PTPRN2: variants seen among roughly 807,000 people sequenced by gnomAD.
PTPRN2 encodes the protein protein tyrosine phosphatase receptor type N2.
PTPRN2 carries 74 observed loss-of-function variants against 118.8 expected under a neutral mutation model. The observed-to-expected ratio is 0.62, with a 90% CI of 0.52 to 0.76. The LOEUF is 0.76. PTPRN2 is among the 30% of genes least tolerant of loss of function. The probability of loss-of-function intolerance (pLI) is 0.00; values close to 1 mark genes in which losing one functional copy is unlikely to be tolerated. For missense variants in PTPRN2, 1,481 were observed against 1,394.4 expected (o/e 1.06, Z -0.99); for synonymous variants, 641 against 608.0 (o/e 1.05, Z -0.80).
At chr7:157,971,733 A>G (rs749220714) in intron 11 of PTPRN2, among the ~76,000 whole-genome samples, 1 of 152,254 alleles carries the variant, frequency 6.6e-6, no homozygotes, top group Non-Finnish European at 1.5e-5. Context: ...AGAATGCAGT[A>G]ATGAGAGCAT....
chr7:158,578,527 C>T lies in PTPRN2; in HGVS notation c.112+9031G>A, dbSNP rs917976534. ...TCCAGTCTGGGCTACAGAGCCAGAC[C>T]CTGTCTCTGTAAAAAAAAAAAAAAT... On this transcript the variant is annotated intron_variant, in intron 1 of 22. Coordinates refer to ENST00000389418, the MANE Select transcript of PTPRN2 (RefSeq NM_002847.5). Among the ~76,000 whole-genome samples, 14 of 59,892 alleles carry T rather than the reference C, an allele frequency of 2.3e-4. No individual in the cohort carries two copies. In the Admixed American group the frequency reaches 2.7e-3, roughly 12 times the overall value. 39.3% of individuals were successfully genotyped at this position (59,892 alleles called of 152,430 possible). A position where few individuals can be genotyped will look rare whatever the true frequency, so the allele number is the denominator to read the frequency against.
At chr7:158,437,921 T>C (rs943830166) in intron 2 of PTPRN2, among the ~76,000 whole-genome samples, 4 of 152,226 alleles carry the variant, frequency 2.6e-5, no homozygotes, top group Non-Finnish European at 5.9e-5. Flanking sequence ...TGTGTGTTGA[T>C]GACCCTATGA....
chr7:158,311,651 G>A (rs916636033), intron 3 of PTPRN2, among the ~76,000 whole-genome samples: 13 of 152,248 alleles, frequency 8.5e-5, no homozygotes, highest in South Asian at 6.2e-4. Context: ...TGAAGGCCGC[G>A]CAAGCAGCTG....
Position 158,320,083 on chromosome 7 carries a change from TCACACACAC to T in PTPRN2, c.164-3160_164-3152del, listed in dbSNP as rs1563133808. On this transcript the variant is annotated intron_variant, in intron 2 of 22. Coordinates refer to ENST00000389418, the MANE Select transcript of PTPRN2 (RefSeq NM_002847.5). ...CCCTCACACACACACACAGCCTCCCTCACACACACTCACATAGTCTCCCTCACACACACA... is the reference window on the plus strand; with the variant it reads ...CCCTCACACACACACACAGCCTCCCTTCACATAGTCTCCCTCACACACACA... Among the ~76,000 whole-genome samples, 47 of 53,844 alleles carry T rather than the reference TCACACACAC, an allele frequency of 8.7e-4. 12 individuals carry two copies. Among genetic ancestry groups the T allele is most frequent in the African/African-American group, 2.9e-3 (40 of 13,740 alleles). The allele number at this position is 53,844 out of a possible 152,430, so 35.3% of individuals were successfully genotyped here. A position where few individuals can be genotyped will look rare whatever the true frequency, so the allele number is the denominator to read the frequency against.
At chr7:158,083,021 G>A (rs917521000) in intron 10 of PTPRN2, among the ~76,000 whole-genome samples, 1 of 152,112 alleles carries the variant, frequency 6.6e-6, no homozygotes, top group Non-Finnish European at 1.5e-5. Flanking sequence ...TGTTCCACTC[G>A]CTCATGAGTG....
At chr7:157,552,124 A>G (rs1437056455) in intron 21 of PTPRN2, among the ~76,000 whole-genome samples, 1 of 149,040 alleles carries the variant, frequency 6.7e-6, no homozygotes, top group Non-Finnish European at 1.5e-5. Context: ...CCCTGTGGTC[A>G]CTGACCACAC....
At chr7:157,928,978 C>G (rs1185371294) in intron 11 of PTPRN2, among the ~76,000 whole-genome samples, 1 of 152,074 alleles carries the variant, frequency 6.6e-6, no homozygotes, top group African/African-American at 2.4e-5. Flanking sequence ...TGCAGCCACC[C>G]CACGTCCAGA....
intron 1 of PTPRN2, chr7:158,541,868 G>C (rs757542229): frequency 7.4e-5 from 32 of 435,104 alleles, no homozygotes; most frequent in African/African-American, 6.7e-4. Context: ...CCAATTCAGG[G>C]AGCTCAGAAC....
chr7:157,772,220 CACAG>C (rs1802893557), intron 12 of PTPRN2, among the ~76,000 whole-genome samples: 1 of 151,576 alleles, frequency 6.6e-6, no homozygotes, highest in African/African-American at 2.4e-5. Flanking sequence ...CACACATAGA[CACAG>C]ACACACACAC....
intron 11 of PTPRN2, among the ~76,000 whole-genome samples, chr7:157,996,257 C>T (rs1008831366): frequency 2.0e-5 from 3 of 152,162 alleles, no homozygotes; most frequent in African/African-American, 7.2e-5. Context: ...GCACATGGGA[C>T]AATGGACGCT....
intron 11 of PTPRN2, among the ~76,000 whole-genome samples, chr7:157,982,734 C>T (rs371572464): frequency 3.0e-4 from 16 of 54,208 alleles, no homozygotes; most frequent in Non-Finnish European, 3.7e-4. Context: ...CCCCGAGTCA[C>T]AGAGACGAGG....
At chr7:158,071,470 T>TTGA (rs1811634856) in intron 11 of PTPRN2, among the ~76,000 whole-genome samples, 1 of 136,772 alleles carries the variant, frequency 7.3e-6, no homozygotes, top group African/African-American at 3.0e-5. Context: ...GTGCTCGTGG[T>TTGA]GGTGGAGGTT....
At chr7:158,054,777 T>C (rs1276543243) in intron 11 of PTPRN2, among the ~76,000 whole-genome samples, 8 of 152,250 alleles carry the variant, frequency 5.3e-5, no homozygotes, top group Non-Finnish European at 8.8e-5. Context: ...CTGCCTTCCA[T>C]GATTGCAGCT....
chr7:157,987,066 A>C lies in PTPRN2; in HGVS notation c.1724-88329T>G, dbSNP rs150466806. Reference sequence around the variant, plus strand: ...GCCGGTACACATCTAGGGAGTGATGATCCCCCTCCACCAGCCAGTGGGGAA... The same window carrying C: ...GCCGGTACACATCTAGGGAGTGATGCTCCCCCTCCACCAGCCAGTGGGGAA... On this transcript the variant is annotated intron_variant, in intron 11 of 22. Coordinates refer to ENST00000389418, the MANE Select transcript of PTPRN2 (RefSeq NM_002847.5). The surrounding 1 kb of genome is among the most constrained non-coding windows in gnomAD (Gnocchi z 4.3). Among the ~76,000 whole-genome samples the C allele has an allele frequency of 6.6e-6, 1 of 152,052 alleles. No individual in the cohort carries two copies.
At chr7:158,428,277 G>A (rs537265990) in intron 2 of PTPRN2, among the ~76,000 whole-genome samples, 4 of 152,088 alleles carry the variant, frequency 2.6e-5, no homozygotes, top group Admixed American at 6.5e-5. Flanking sequence ...AAGGCACAGC[G>A]GCGTCGGACG....
chr7:158,372,514 C>A (rs1396906292), intron 2 of PTPRN2, among the ~76,000 whole-genome samples: 1 of 149,706 alleles, frequency 6.7e-6, no homozygotes, highest in Non-Finnish European at 1.5e-5. Context: ...GAGCTGGTAC[C>A]CGGAGCTGGT....
At chr7:158,238,076 C>T (rs944658247) in intron 3 of PTPRN2, among the ~76,000 whole-genome samples, 9 of 152,160 alleles carry the variant, frequency 5.9e-5, no homozygotes, top group South Asian at 4.1e-4. Flanking sequence ...AGTGCAGCCG[C>T]GGCCTCCTGC....
In PTPRN2 at chr7:158,510,449, T is replaced by TCA. The variant is rs200657686; in HGVS notation, c.113-20665_113-20664insTG. Among the ~76,000 whole-genome samples, 261 of 68,772 alleles carry TCA rather than the reference T, an allele frequency of 3.8e-3. 5 individuals are homozygous for TCA. In the East Asian group the frequency reaches 0.13, roughly 33 times the overall value. 45.1% of individuals were successfully genotyped at this position (68,772 alleles called of 152,430 possible). The stretch of plus-strand genomic sequence containing the variant: ...ACACTAAGTGTGTGTGTTTACTCTC[T>TCA]CTCTCTCTCTCTCTCTCTCTCTCTC... On this transcript the variant is annotated intron_variant, in intron 1 of 22. Transcript: ENST00000389418.
In PTPRN2 at chr7:157,793,373, GACCCC is replaced by G. The variant is rs1324999284; in HGVS notation, c.1788+105295_1788+105299del. ...CCTTTACATTTTGGGGTGCTCTGTGGACCCCCTGTGTACCCTGTGAGTATGCACGT... is the reference window on the plus strand; with the variant it reads ...CCTTTACATTTTGGGGTGCTCTGTGGCTGTGTACCCTGTGAGTATGCACGT... On this transcript the variant is annotated intron_variant, in intron 12 of 22. Transcript: ENST00000389418. Among the ~76,000 whole-genome samples, 331 of 152,322 alleles carry G rather than the reference GACCCC, an allele frequency of 2.2e-3. 1 individual carries two copies. The highest frequency in any genetic ancestry group is 7.5e-3 in the African/African-American group (310 of 41,562).
Sources: allele counts gnomAD v4.1 joint callset (sites outside exome capture counted in the v4.1 genomes callset), GRCh38; gene constraint gnomAD v4.1.1; non-coding constraint Gnocchi (gnomAD v3.1); transcripts MANE v1.5; gene names NCBI Gene and HGNC (gene_info 2026-07-23, HGNC 2026-07-21).